Variants in PTGER3 observed in about 807,000 individuals in gnomAD.
PTGER3 encodes prostaglandin E receptor 3.
PTGER3 carries 22 observed loss-of-function variants against 34.7 expected under a neutral mutation model. The observed-to-expected ratio is 0.63, with a 90% confidence interval of 0.45 to 0.91. The LOEUF (loss-of-function observed/expected upper bound fraction) is 0.91. Ranked by LOEUF, PTGER3 falls within the 40% of genes least tolerant of loss-of-function variation. The pLI, the probability that PTGER3 is intolerant of heterozygous loss-of-function variation, is 0.00. For missense variants in PTGER3, 468 were observed against 519.4 expected (o/e 0.90, Z 0.96); for synonymous variants, 241 against 230.1 (o/e 1.05, Z -0.43).
intron 4 of PTGER3, among the ~76,000 whole-genome samples, chr1:70,923,616 T>C (rs1014332717): frequency 6.6e-6 from 1 of 152,208 alleles, no homozygotes; most frequent in Non-Finnish European, 1.5e-5. Flanking sequence ...TGGACTAAAC[T>C]AATAGAAGTC....
intron 4 of PTGER3, among the ~76,000 whole-genome samples, chr1:70,931,221 G>T (rs1417274487): frequency 1.3e-5 from 2 of 152,186 alleles, no homozygotes; most frequent in African/African-American, 4.8e-5. Context: ...TGCAAGAGGT[G>T]GGTTCCCATG....
At chr1:70,893,078 A>G (rs1344218723) in intron 4 of PTGER3, among the ~76,000 whole-genome samples, 3 of 152,216 alleles carry the variant, frequency 2.0e-5, no homozygotes, top group African/African-American at 4.8e-5. Context: ...TAAACAAGGA[A>G]CAAATGGAAT....
At chr1:70,869,017 G>A (rs943287879) in intron 4 of PTGER3, among the ~76,000 whole-genome samples, 2 of 152,100 alleles carry the variant, frequency 1.3e-5, no homozygotes, top group African/African-American at 2.4e-5. Flanking sequence ...AAAGCCTGCC[G>A]AACCATGAGC....
At chr1:70,854,080 T>A (rs1226453446) in intron 4 of PTGER3, among the ~76,000 whole-genome samples, 7 of 152,142 alleles carry the variant, frequency 4.6e-5, no homozygotes, top group African/African-American at 1.7e-4. Context: ...TTCTTGGAGA[T>A]GACACCAAAA....
intron 2 of PTGER3, among the ~76,000 whole-genome samples, chr1:70,965,638 C>T (rs997952496): frequency 1.3e-5 from 2 of 152,114 alleles, no homozygotes; most frequent in Non-Finnish European, 2.9e-5. Context: ...TTATTCTTTA[C>T]CAACACCATC....
chr1:70,858,991 A>G (rs1645869894), intron 4 of PTGER3, among the ~76,000 whole-genome samples: 1 of 152,228 alleles, frequency 6.6e-6, no homozygotes, highest in African/African-American at 2.4e-5. Context: ...TAGGTATCAG[A>G]CACACAGAGT....
intron 2 of PTGER3, chr1:70,953,866 T>C: frequency 1.6e-6 from 1 of 621,620 alleles, no homozygotes; most frequent in Non-Finnish European, 2.6e-6. Context: ...AAACCACAGA[T>C]GATGTTCAAT....
At chr1:70,861,399 C>T (rs962301661) in intron 4 of PTGER3, among the ~76,000 whole-genome samples, 2 of 152,180 alleles carry the variant, frequency 1.3e-5, no homozygotes, top group Non-Finnish European at 2.9e-5. Flanking sequence ...ATAATCAGCA[C>T]AACCTGTAAA....
At chr1:70,923,224 T>C (rs1164519394) in intron 4 of PTGER3, among the ~76,000 whole-genome samples, 3 of 151,304 alleles carry the variant, frequency 2.0e-5, no homozygotes, top group African/African-American at 7.3e-5. Flanking sequence ...TTTTTTTGGC[T>C]CTATTTGTAT....
intron 1 of PTGER3, among the ~76,000 whole-genome samples, chr1:71,036,757 T>C (rs1240100754): frequency 6.6e-6 from 1 of 151,258 alleles, no homozygotes; most frequent in Non-Finnish European, 1.5e-5. Context: ...GAGAATGGCA[T>C]GAACCCAGGA....
chr1:70,959,567 G>A (rs1057076397), intron 2 of PTGER3, among the ~76,000 whole-genome samples: 17 of 152,158 alleles, frequency 1.1e-4, no homozygotes, highest in African/African-American at 3.6e-4. Context: ...CACCATATTG[G>A]CGAGGCTGGT....
At chr1:70,985,875 G>T (rs1477960894) in intron 2 of PTGER3, among the ~76,000 whole-genome samples, 1 of 152,204 alleles carries the variant, frequency 6.6e-6, no homozygotes, top group African/African-American at 2.4e-5. Context: ...TATGATTAGG[G>T]CTAAGATGAC....
chr1:71,009,000 C>T, intron 2 of PTGER3: 1 of 983,664 alleles, frequency 1.0e-6, no homozygotes, highest in Non-Finnish European at 1.2e-6. Context: ...CAAAAGTTTT[C>T]TATTTTCTTT....
chr1:70,866,718 G>A (rs971333034), intron 4 of PTGER3, among the ~76,000 whole-genome samples: 4 of 152,208 alleles, frequency 2.6e-5, no homozygotes, highest in Non-Finnish European at 4.4e-5. Flanking sequence ...GCCACCATCA[G>A]AGGGCACTGG....
chr1:70,994,467 T>G (rs1285685507), intron 2 of PTGER3, among the ~76,000 whole-genome samples: 1 of 151,816 alleles, frequency 6.6e-6, no homozygotes, highest in East Asian at 1.9e-4. Flanking sequence ...CTTAATTTTT[T>G]TTTTTTTGAG....
chr1:70,982,269 C>A (rs960071292), intron 2 of PTGER3, among the ~76,000 whole-genome samples: 13 of 152,144 alleles, frequency 8.5e-5, no homozygotes, highest in Admixed American at 8.5e-4. Flanking sequence ...CACAGACCTG[C>A]TATATAAATA....
chr1:70,957,420 C>T (rs542237216), intron 2 of PTGER3, among the ~76,000 whole-genome samples: 1 of 152,262 alleles, frequency 6.6e-6, no homozygotes, highest in African/African-American at 2.4e-5. Context: ...CATTTAAAAT[C>T]CATTATGAAC....
intron 2 of PTGER3, among the ~76,000 whole-genome samples, chr1:71,003,973 T>A (rs1656716538): frequency 1.3e-5 from 2 of 152,198 alleles, no homozygotes; most frequent in Non-Finnish European, 1.5e-5. Context: ...ATACCTATCA[T>A]CAATTTCTCA....
intron 4 of PTGER3, among the ~76,000 whole-genome samples, chr1:70,931,327 T>A (rs995219200): frequency 6.6e-6 from 1 of 152,122 alleles, no homozygotes; most frequent in Non-Finnish European, 1.5e-5. Flanking sequence ...CTTTTCCAGG[T>A]GCACAGTCCA....
Sources: gnomAD v4.1 joint callset for allele counts (sites outside exome capture counted in the v4.1 genomes callset) on GRCh38, gnomAD v4.1.1 for gene constraint, MANE v1.5 for transcripts, NCBI Gene and HGNC (gene_info 2026-07-23, HGNC 2026-07-21) for gene names.